The following CCDC148 variants were observed in gnomAD, a reference collection of about 807,000 sequenced individuals.
The protein encoded by CCDC148 is coiled-coil domain containing 148.
In CCDC148, 89 loss-of-function variants were observed where a neutral mutation model predicts 85.7. The observed-to-expected ratio is 1.04, with a 90% CI of 0.87 to 1.24. The LOEUF (loss-of-function observed/expected upper bound fraction) is 1.24. Ranked by LOEUF, CCDC148 falls within the 50% of genes most tolerant of loss-of-function variation. CCDC148 has a pLI of 0.00. For missense variants in CCDC148, 692 were observed against 671.7 expected, an observed-to-expected ratio of 1.03 and a Z score of -0.33; for synonymous variants, 230 against 213.9, an observed-to-expected ratio of 1.08 and a Z score of -0.66.
intron 11 of CCDC148, among the ~76,000 whole-genome samples, chr2:158,191,541 A>G (rs1685424054): frequency 1.3e-5 from 2 of 151,992 alleles, no homozygotes; most frequent in South Asian, 2.1e-4. Context: ...CCCCCCAAGT[A>G]AAATATTTTC....
At chr2:158,231,766 C>A (rs527268435) in intron 10 of CCDC148, among the ~76,000 whole-genome samples, 1 of 152,244 alleles carries the variant, frequency 6.6e-6, no homozygotes, top group Admixed American at 6.5e-5. Context: ...CTGGAAGTTT[C>A]TTCTGGTCTC....
chr2:158,282,255 A>G (rs1207597308), intron 9 of CCDC148, among the ~76,000 whole-genome samples: 4 of 152,180 alleles, frequency 2.6e-5, no homozygotes, highest in African/African-American at 9.7e-5. Context: ...CCTATTGAAC[A>G]TAGTGTTGGA....
At chr2:158,310,021 A>T (rs936682612) in intron 8 of CCDC148, among the ~76,000 whole-genome samples, 1 of 152,228 alleles carries the variant, frequency 6.6e-6, no homozygotes, top group Admixed American at 6.5e-5. Context: ...AGGTCAGCAG[A>T]TAAACATGTG....
At chr2:158,271,196 CT>C (rs1190432727) in intron 9 of CCDC148, among the ~76,000 whole-genome samples, 1 of 151,974 alleles carries the variant, frequency 6.6e-6, no homozygotes, top group Non-Finnish European at 1.5e-5. Context: ...TACTTTGAGG[CT>C]TTTATATATA....
chr2:158,419,851 G>A (rs1228639839), intron 1 of CCDC148: 1 of 152,058 alleles, frequency 6.6e-6, no homozygotes, highest in Non-Finnish European at 1.5e-5. Flanking sequence ...TTTGAAAGTA[G>A]GTCTTTCCCC....
intron 1 of CCDC148, among the ~76,000 whole-genome samples, chr2:158,369,566 T>C (rs1684349259): frequency 6.6e-6 from 1 of 152,192 alleles, no homozygotes; most frequent in South Asian, 2.1e-4. Context: ...TAAGAAGCTT[T>C]TGGGCTGAGA....
chr2:158,273,957 C>T (rs1689810260), intron 9 of CCDC148, among the ~76,000 whole-genome samples: 2 of 152,190 alleles, frequency 1.3e-5, no homozygotes, highest in Admixed American at 6.5e-5. Context: ...TTCTTTGCAA[C>T]TCCCTGGCCC....
intron 9 of CCDC148, among the ~76,000 whole-genome samples, chr2:158,267,296 T>C (rs1689509563): frequency 6.6e-6 from 1 of 152,146 alleles, no homozygotes; most frequent in South Asian, 2.1e-4. Flanking sequence ...CCTCTTGTTT[T>C]AATAGGAAAA....
At chr2:158,278,689 C>A (rs1329925680) in intron 9 of CCDC148, among the ~76,000 whole-genome samples, 1 of 152,272 alleles carries the variant, frequency 6.6e-6, no homozygotes, top group Non-Finnish European at 1.5e-5. Flanking sequence ...GGCTCCGCCT[C>A]TGGGGGCAGG....
intron 1 of CCDC148, among the ~76,000 whole-genome samples, chr2:158,422,038 G>A (rs898601226): frequency 1.3e-5 from 2 of 152,156 alleles, no homozygotes; most frequent in African/African-American, 2.4e-5. Flanking sequence ...GACTAAACCA[G>A]GGAGAAGTTG....
intron 1 of CCDC148, among the ~76,000 whole-genome samples, chr2:158,452,537 G>A (rs1449799539): frequency 6.6e-6 from 1 of 152,236 alleles, no homozygotes; most frequent in East Asian, 1.9e-4. Context: ...CACATTTTGG[G>A]GTAGGCATAT....
At chr2:158,309,962 T>C (rs1691897518) in intron 8 of CCDC148, among the ~76,000 whole-genome samples, 1 of 152,202 alleles carries the variant, frequency 6.6e-6, no homozygotes, top group Non-Finnish European at 1.5e-5. Flanking sequence ...TTCTTGGGTG[T>C]TTCTCAGAGA....
intron 9 of CCDC148, among the ~76,000 whole-genome samples, chr2:158,282,083 C>A (rs1436709477): frequency 4.6e-5 from 7 of 151,552 alleles, no homozygotes; most frequent in Non-Finnish European, 1.0e-4. Context: ...AACAACGCTT[C>A]ATGCTAAAAA....
intron 2 of CCDC148, among the ~76,000 whole-genome samples, chr2:158,347,257 G>A (rs1176944711): frequency 1.3e-5 from 2 of 151,924 alleles, no homozygotes; most frequent in African/African-American, 4.8e-5. Context: ...GGTGAAAGAC[G>A]GGGACACATT....
Position 158,284,391 on chromosome 2 carries a change from C to G in CCDC148, c.1110+25042G>C, listed in dbSNP as rs149141568. ...TAATTAATAATAAAAATAACAACCT[C>G]TTAAAGAACTTAACAAGATGGTGAG... On this transcript the variant is annotated intron_variant, in intron 9 of 13. Coordinates refer to ENST00000283233, the MANE Select transcript of CCDC148 (RefSeq NM_138803.4). 3.3e-5 allele frequency among the ~76,000 whole-genome samples: 5 copies of G among 152,226 alleles called. No homozygotes were observed. In the East Asian group the frequency reaches 7.7e-4, roughly 23 times the overall value.
chr2:158,266,076 T>G (rs917221680), intron 9 of CCDC148, among the ~76,000 whole-genome samples: 9 of 152,160 alleles, frequency 5.9e-5, no homozygotes, highest in Admixed American at 5.2e-4. Flanking sequence ...CAATCCACCT[T>G]TCATATCCAC....
At chr2:158,212,228 A>C (rs1686618732) in intron 11 of CCDC148, among the ~76,000 whole-genome samples, 1 of 152,240 alleles carries the variant, frequency 6.6e-6, no homozygotes. Context: ...GTTGACAGAG[A>C]CTTAATGAAC....
intron 1 of CCDC148, among the ~76,000 whole-genome samples, chr2:158,433,089 A>AAATAT (rs1553521575): frequency 3.1e-5 from 2 of 65,050 alleles, no homozygotes; most frequent in Non-Finnish European, 6.5e-5. Context: ...AAAAAAAAAA[A>AAATAT]AAATATATAT....
At chr2:158,272,562 C>T (rs931673941) in intron 9 of CCDC148, among the ~76,000 whole-genome samples, 1 of 152,162 alleles carries the variant, frequency 6.6e-6, no homozygotes, top group African/African-American at 2.4e-5. Flanking sequence ...CCAGGCAAGG[C>T]AGACTCAGAC....
Sources: gnomAD v4.1 joint callset for allele counts (sites outside exome capture counted in the v4.1 genomes callset) on GRCh38, gnomAD v4.1.1 for gene constraint, MANE v1.5 for transcripts, NCBI Gene and HGNC (gene_info 2026-07-23, HGNC 2026-07-21) for gene names.